The following DOCK3 variants were observed in gnomAD, a reference collection of about 807,000 sequenced individuals.
The protein encoded by DOCK3 is dedicator of cytokinesis 3, also known as dedicator of cytokinesis protein 3.
Under a neutral mutation model 265.6 loss-of-function variants are expected in DOCK3, and 60 were observed. That is an observed-to-expected ratio of 0.23 (90% CI 0.18 to 0.28). The LOEUF is 0.28. Ranked by LOEUF, DOCK3 falls within the 10% of genes least tolerant of loss-of-function variation. The pLI is 1.00. For missense variants in DOCK3, 1,981 were observed against 2,594.3 expected (o/e 0.76, Z 5.14); for synonymous variants, 881 against 938.0 (o/e 0.94, Z 1.11).
At chr3:51,226,886 C>T (rs540934892) in intron 15 of DOCK3, among the ~76,000 whole-genome samples, 17 of 152,330 alleles carry the variant, frequency 1.1e-4, no homozygotes, top group Non-Finnish European at 2.2e-4. Flanking sequence ...AACAGGCTGT[C>T]TCCACTTTGT....
chr3:51,261,491 T>G (rs2079845071), intron 23 of DOCK3, among the ~76,000 whole-genome samples: 1 of 152,130 alleles, frequency 6.6e-6, no homozygotes, highest in African/African-American at 2.4e-5. Context: ...GGCCACTGTT[T>G]GGGCAGACAC....
intron 12 of DOCK3, among the ~76,000 whole-genome samples, chr3:51,187,538 T>C (rs553997006): frequency 2.0e-5 from 3 of 152,262 alleles, no homozygotes; most frequent in South Asian, 2.1e-4. Context: ...TGTGAAGATA[T>C]GAGATTTTGG....
At chr3:50,844,376 T>G (rs2045982876) in intron 3 of DOCK3, among the ~76,000 whole-genome samples, 2 of 151,986 alleles carry the variant, frequency 1.3e-5, no homozygotes, top group Non-Finnish European at 2.9e-5. Flanking sequence ...GCACCACACC[T>G]GGCTAATTTT....
intron 1 of DOCK3, among the ~76,000 whole-genome samples, chr3:50,703,042 C>T (rs1410536266): frequency 1.3e-5 from 2 of 152,138 alleles, no homozygotes; most frequent in Non-Finnish European, 2.9e-5. Flanking sequence ...TTGAGAGTTT[C>T]TATCATGAAG....
chr3:51,182,679 G>A (rs2087370005), intron 12 of DOCK3, among the ~76,000 whole-genome samples: 2 of 152,164 alleles, frequency 1.3e-5, no homozygotes, highest in Non-Finnish European at 1.5e-5. Context: ...GAGAAGTGGA[G>A]ACTCCTCCAA....
At chr3:51,184,753 C>T (rs1013394330) in intron 12 of DOCK3, among the ~76,000 whole-genome samples, 6 of 152,080 alleles carry the variant, frequency 3.9e-5, no homozygotes, top group Non-Finnish European at 5.9e-5. Context: ...GTGAGATGTG[C>T]GTACTGAACT....
intron 4 of DOCK3, among the ~76,000 whole-genome samples, chr3:50,925,636 G>A (rs1300060071): frequency 1.3e-5 from 2 of 152,032 alleles, no homozygotes; most frequent in Admixed American, 6.6e-5. Flanking sequence ...CTTTGTGTCC[G>A]AAGAAGAAAC....
At chr3:50,775,328 C>T (rs2041522319) in intron 1 of DOCK3, among the ~76,000 whole-genome samples, 1 of 151,990 alleles carries the variant, frequency 6.6e-6, no homozygotes, top group African/African-American at 2.4e-5. Context: ...TTTTTAACTT[C>T]TCTGCCAGTT....
At chr3:51,375,868 C>G (rs753482591) in intron 51 of DOCK3, 33 bp downstream of exon 51, 1 of 1,611,028 alleles carries the variant, frequency 6.2e-7, no homozygotes, top group Middle Eastern at 1.7e-4. Flanking sequence ...CCCCCCATGT[C>G]TGTCCCCATC....
At chr3:50,836,444 A>T (rs965005483) in intron 2 of DOCK3, among the ~76,000 whole-genome samples, 1 of 152,350 alleles carries the variant, frequency 6.6e-6, no homozygotes, top group East Asian at 1.9e-4. Context: ...CCTCTGAAGC[A>T]GCAGCCTGAG....
At chr3:50,955,576 T>G (rs1055659301) in intron 5 of DOCK3, among the ~76,000 whole-genome samples, 1 of 152,136 alleles carries the variant, frequency 6.6e-6, no homozygotes, top group Non-Finnish European at 1.5e-5. Flanking sequence ...ATCAAACTGA[T>G]GCGGGGACAG....
chr3:51,348,049 TG>T (rs1012268865), intron 38 of DOCK3, among the ~76,000 whole-genome samples: 1 of 152,188 alleles, frequency 6.6e-6, no homozygotes, highest in Non-Finnish European at 1.5e-5. Context: ...GCTGAGACAA[TG>T]GGGTTTTCTA....
At position 51,260,337 on chromosome 3, in the gene DOCK3, TGCA is replaced by T; in HGVS notation, c.2355+13_2355+15del. On this transcript the variant is annotated intron_variant, in intron 23 of 52. Transcript: ENST00000266037. ...CTCCTTTTTACTCAGGTTCGCACAC[TGCA>T]GGGAAGCTTTGATGCTGGGTTCCTC... is the stretch of plus-strand genomic sequence containing the variant. 1 of 1,596,976 alleles carries T rather than the reference TGCA, an allele frequency of 6.3e-7. No homozygotes were observed. The highest frequency in any genetic ancestry group is 8.5e-7 in the Non-Finnish European group (1 of 1,170,984).
At chr3:51,012,319 T>C (rs1170373939) in intron 5 of DOCK3, among the ~76,000 whole-genome samples, 7 of 152,180 alleles carry the variant, frequency 4.6e-5, no homozygotes. Context: ...TCGAGGCCAC[T>C]GTTTTTACCT....
At chr3:50,907,316 T>C (rs549152013) in intron 4 of DOCK3, among the ~76,000 whole-genome samples, 2 of 152,224 alleles carry the variant, frequency 1.3e-5, no homozygotes, top group East Asian at 3.9e-4. Flanking sequence ...CTTGTTAACT[T>C]TCTGTCTCGT....
rs4028194 is a variant in DOCK3, at chr3:51,239,199, T to TTTTATTTA, written c.2102+1630_2102+1637dup. 6.2e-3 allele frequency among the ~76,000 whole-genome samples: 905 copies of TTTTATTTA among 146,708 alleles called. 4 individuals are homozygous for TTTTATTTA. The highest frequency in any genetic ancestry group is 0.024 in the Middle Eastern group (7 of 286). ...TTGTACCCCAAAGATAAAGCGTACT[T>TTTTATTTA]TTTATTTATTTATTTATTTATTTAT... On this transcript the variant is annotated intron_variant, in intron 21 of 52. Transcript: ENST00000266037.
Position 50,722,841 on chromosome 3 carries a change from G to A in DOCK3, c.37+47541G>A, listed in dbSNP as rs187099570. Among the ~76,000 whole-genome samples the A allele has an allele frequency of 7.3e-4, 106 of 144,812 alleles. No individual in the cohort carries two copies. The Middle Eastern group carries it at 0.015, about 20-fold the overall frequency. ...GGCTGGAGTGCAGTGGCATGATCTC[G>A]GCTCACTGCAGCCTCTTCCTCCTGG... On this transcript the variant is annotated intron_variant, in intron 1 of 52. Transcript: ENST00000266037.
chr3:50,693,775 G>A (rs113649916), intron 1 of DOCK3, among the ~76,000 whole-genome samples: 14,181 of 151,096 alleles, frequency 0.094, 822 homozygotes, highest in Non-Finnish European at 0.12. Flanking sequence ...GACCTCAGGT[G>A]ATCCTCCCAC....
intron 3 of DOCK3, among the ~76,000 whole-genome samples, chr3:50,874,540 A>G (rs1433579218): frequency 2.6e-5 from 4 of 151,902 alleles, no homozygotes; most frequent in Admixed American, 1.3e-4. Flanking sequence ...CAAAAAAAGT[A>G]TAGGCATTTT....
Sources: gnomAD v4.1 joint callset for allele counts (sites outside exome capture counted in the v4.1 genomes callset) on GRCh38, gnomAD v4.1.1 for gene constraint, MANE v1.5 for transcripts, NCBI Gene and HGNC (gene_info 2026-07-23, HGNC 2026-07-21) for gene names.